GPM6B: variants seen among roughly 807,000 people sequenced by gnomAD.
GPM6B encodes glycoprotein M6B.
GPM6B carries 4 observed loss-of-function variants against 27.2 expected under a neutral mutation model. The observed-to-expected ratio is 0.15, with a 90% CI of 0.07 to 0.34. GPM6B has a LOEUF of 0.34. GPM6B is among the 10% of genes least tolerant of loss of function. The pLI, the probability that GPM6B is intolerant of heterozygous loss-of-function variation, is 1.00. For synonymous variants in GPM6B, 124 were observed against 103.1 expected (o/e 1.20, Z -1.23); for missense variants, 183 against 261.9 (o/e 0.70, Z 2.08).
chrX:13,927,901 C>T lies in GPM6B; in HGVS notation c.-198+10426G>A, dbSNP rs1330848853. On this transcript the variant is annotated intron_variant, in intron 1 of 6. Coordinates refer to the GPM6B transcript ENST00000398361. Reference sequence around the variant, plus strand: ...TCTTTCATCAAGGATTTTCAAAGTCCTTCTCACAGCTGCTGTGTCAATGCT... The same window carrying T: ...TCTTTCATCAAGGATTTTCAAAGTCTTTCTCACAGCTGCTGTGTCAATGCT... Among the ~76,000 whole-genome samples, 3 of 111,891 alleles carry T rather than the reference C, an allele frequency of 2.7e-5. No individual in the cohort carries two copies. The South Asian group carries it at 1.1e-3, about 42-fold the overall frequency.
intron 1 of GPM6B, among the ~76,000 whole-genome samples, chrX:13,889,895 G>A (rs1366745673): frequency 9.0e-6 from 1 of 110,855 alleles, no homozygotes; most frequent in Non-Finnish European, 1.9e-5. Flanking sequence ...TTACAGGGGA[G>A]GAAGACTGAC....
At chrX:13,829,493 G>A (rs941142018) in intron 1 of GPM6B, among the ~76,000 whole-genome samples, 61 of 111,626 alleles carry the variant, frequency 5.5e-4, no homozygotes, top group Non-Finnish European at 5.8e-4. Context: ...GAGGTAGAGA[G>A]AGGAAAGACT....
At chrX:13,838,792 T>C (rs1416555881) in intron 1 of GPM6B, among the ~76,000 whole-genome samples, 1 of 111,691 alleles carries the variant, frequency 9.0e-6, no homozygotes, top group Non-Finnish European at 1.9e-5. Context: ...CTGTAGCCTA[T>C]TGCCTTTATT....
chrX:13,865,503 C>T (rs1240192838), intron 1 of GPM6B, among the ~76,000 whole-genome samples: 1 of 79,043 alleles, frequency 1.3e-5, no homozygotes, highest in African/African-American at 5.1e-5. Context: ...AGCCTGAGGC[C>T]GGCAGATCAC....
intron 1 of GPM6B, among the ~76,000 whole-genome samples, chrX:13,926,728 TAAAACTATACCAA>T (rs1215400894): frequency 3.6e-5 from 4 of 112,110 alleles, no homozygotes. Context: ...GCTTTCTATC[TAAAACTATACCAA>T]AAAATAGAAT....
intron 5 of GPM6B, 84 bp downstream of exon 5, chrX:13,779,734 G>T: frequency 1.4e-6 from 1 of 723,502 alleles, no homozygotes; most frequent in Non-Finnish European, 2.0e-6. Context: ...CAATTAAAAG[G>T]ATGCGCATGT....
At chrX:13,817,344 G>C, upstream of GPM6B, 1 of 753,273 alleles carries the variant, frequency 1.3e-6, no homozygotes, top group Non-Finnish European at 1.6e-6. Context: ...ATTTCTTCTA[G>C]CCAAGTACAC....
At chrX:13,861,035 C>T (rs201868010) in intron 1 of GPM6B, among the ~76,000 whole-genome samples, 67 of 64,406 alleles carry the variant, frequency 1.0e-3, no homozygotes, top group Non-Finnish European at 1.5e-3. Context: ...CACACACACA[C>T]ACACACACAT....
Position 13,774,441 on chromosome X carries a change from A to T in GPM6B, c.838-1411T>A, listed in dbSNP as rs538111570. 2.6e-5 allele frequency: 30 copies of T among 1,154,672 alleles called. No individual in the cohort carries two copies. The South Asian group carries it at 5.6e-4, about 22-fold the overall frequency. ...GGTGAGTTTACTAAAGCTATTTACA[A>T]ATTACTGTAACAAAATTGCAGAAAC... On this transcript the variant is annotated intron_variant, in intron 7 of 7. Transcript: ENST00000316715.
intron 1 of GPM6B, among the ~76,000 whole-genome samples, chrX:13,857,048 G>C (rs1035093738): frequency 3.6e-5 from 4 of 110,562 alleles, no homozygotes; most frequent in African/African-American, 1.3e-4. Flanking sequence ...ACATCTTTCC[G>C]ATCTTTATCT....
intron 1 of GPM6B, among the ~76,000 whole-genome samples, chrX:13,921,575 C>G (rs1027142915): frequency 3.3e-5 from 2 of 59,997 alleles, no homozygotes; most frequent in Non-Finnish European, 7.0e-5. Flanking sequence ...ATTTATAACC[C>G]CCCCCCTTTT....
intron 1 of GPM6B, among the ~76,000 whole-genome samples, chrX:13,921,661 C>T (rs981672509): frequency 2.8e-5 from 3 of 108,349 alleles, no homozygotes; most frequent in African/African-American, 6.7e-5. Flanking sequence ...CTGCAACCTC[C>T]GCCTCGCGAG....
At chrX:13,817,980 T>C (rs2049265812), upstream of GPM6B, among the ~76,000 whole-genome samples, 1 of 112,274 alleles carries the variant, frequency 8.9e-6, no homozygotes, top group African/African-American at 3.2e-5. Context: ...TTAGAATTCC[T>C]CACTCCAAAT....
At chrX:13,915,552 C>T (rs1333238518) in intron 1 of GPM6B, among the ~76,000 whole-genome samples, 1 of 112,524 alleles carries the variant, frequency 8.9e-6, no homozygotes, top group Non-Finnish European at 1.9e-5. Context: ...AATTCTTGGG[C>T]TTAAATACTG....
At chrX:13,877,869 G>A (rs1334326519) in intron 1 of GPM6B, among the ~76,000 whole-genome samples, 2 of 81,116 alleles carry the variant, frequency 2.5e-5, no homozygotes, top group Non-Finnish European at 4.6e-5. Flanking sequence ...TATTTGCTTC[G>A]CCTTTTTTTT....
chrX:13,860,630 ATATTT>A (rs1485669705), intron 1 of GPM6B, among the ~76,000 whole-genome samples: 1 of 110,738 alleles, frequency 9.0e-6, no homozygotes, highest in Non-Finnish European at 1.9e-5. Flanking sequence ...ATTCATTTTA[ATATTT>A]TATTTTTTAT....
At chrX:13,895,722 C>G (rs2050226789) in intron 1 of GPM6B, among the ~76,000 whole-genome samples, 2 of 111,716 alleles carry the variant, frequency 1.8e-5, no homozygotes, top group South Asian at 7.5e-4. Flanking sequence ...TCTATGACCT[C>G]AAAATCCTCA....
Position 13,837,724 on chromosome X carries a change from G to GGGGGGGGGGGGC in GPM6B, c.-197-51917_-197-51916insGCCCCCCCCCCC, listed in dbSNP as rs1555918783. On this transcript the variant is annotated intron_variant, in intron 1 of 6. Transcript: ENST00000398361. Reference sequence around the variant, plus strand: ...AAGCAAGTTGGTGGGGGGGGGGGGGGGGGGAAGCAGAGGGGAAAGCAAAGC... The same window carrying GGGGGGGGGGGGC: ...AAGCAAGTTGGTGGGGGGGGGGGGGGGGGGGGGGGGGCGGGGAAGCAGAGGGGAAAGCAAAGC... Among the ~76,000 whole-genome samples, 8 of 32,882 alleles carry GGGGGGGGGGGGC rather than the reference G, an allele frequency of 2.4e-4. 3 individuals carry two copies. The highest frequency in any genetic ancestry group is 4.9e-4 in the Non-Finnish European group (6 of 12,311). The allele number at this position is 32,882 out of a possible 115,157, so 28.6% of individuals were successfully genotyped here. A position where few individuals can be genotyped will look rare whatever the true frequency, so the allele number is the denominator to read the frequency against.
At chrX:13,874,455 T>C (rs553523006) in intron 1 of GPM6B, among the ~76,000 whole-genome samples, 1 of 107,144 alleles carries the variant, frequency 9.3e-6, no homozygotes, top group Non-Finnish European at 1.9e-5. Flanking sequence ...CTCAGCACTT[T>C]GGGAGGCTGA....
Sources: gnomAD v4.1 joint callset for allele counts (sites outside exome capture counted in the v4.1 genomes callset) on GRCh38, gnomAD v4.1.1 for gene constraint, MANE v1.5 for transcripts, NCBI Gene and HGNC (gene_info 2026-07-23, HGNC 2026-07-21) for gene names.